NXPE2: variants seen among roughly 807,000 people sequenced by gnomAD.
The protein encoded by NXPE2 is NXPE family member 2.
In NXPE2, 34 loss-of-function variants were observed where a neutral mutation model predicts 34.4. That is an observed-to-expected ratio of 0.99 (90% CI 0.75 to 1.31). The LOEUF (loss-of-function observed/expected upper bound fraction) is 1.31. NXPE2 is among the 40% of genes most tolerant of loss of function. The pLI is 0.00. For synonymous variants in NXPE2, 235 were observed against 231.3 expected (o/e 1.02, Z -0.15); for missense variants, 649 against 672.5 (o/e 0.97, Z 0.39).
chr11:114,674,843 C>G (rs1428859755), upstream of NXPE2, among the ~76,000 whole-genome samples: 1 of 151,634 alleles, frequency 6.6e-6, no homozygotes, highest in Non-Finnish European at 1.5e-5. Context: ...GACAAGGACG[C>G]TAGGAGAAAA....
the NXPE2 span, among the ~76,000 whole-genome samples, chr11:114,660,212 C>T: frequency 6.6e-6 from 1 of 151,878 alleles, no homozygotes; most frequent in Admixed American, 6.6e-5. Context: ...GTTTTATTTG[C>T]AAATTTGACC....
the NXPE2 span, among the ~76,000 whole-genome samples, chr11:114,574,088 T>G: frequency 6.6e-6 from 1 of 152,084 alleles, no homozygotes; most frequent in African/African-American, 2.4e-5. Context: ...ACATGGAAAT[T>G]AAATAACCTG....
the NXPE2 span, among the ~76,000 whole-genome samples, chr11:114,559,244 A>G: frequency 3.3e-5 from 5 of 152,172 alleles, no homozygotes; most frequent in African/African-American, 1.2e-4. Context: ...CCCCTGCACC[A>G]ATCTAGACTC....
chr11:114,530,411 G>A, the NXPE2 span: 1 of 1,614,212 alleles, frequency 6.2e-7, no homozygotes, highest in South Asian at 1.1e-5. Context: ...TTTTATCATA[G>A]CCTTGGTTCC....
At chr11:114,808,804 A>G in the NXPE2 span, among the ~76,000 whole-genome samples, 1 of 152,296 alleles carries the variant, frequency 6.6e-6, no homozygotes, top group South Asian at 2.1e-4. Flanking sequence ...AACTATTCCA[A>G]TCAACAGAAA....
intron 2 of NXPE2, among the ~76,000 whole-genome samples, chr11:114,691,429 G>C (rs1002111097): frequency 6.6e-6 from 1 of 152,080 alleles, no homozygotes; most frequent in African/African-American, 2.4e-5. Flanking sequence ...GGTTTTGTTT[G>C]ATGGTGTAAT....
At chr11:114,540,884 T>G in the NXPE2 span, among the ~76,000 whole-genome samples, 1 of 113,546 alleles carries the variant, frequency 8.8e-6, no homozygotes, top group Non-Finnish European at 1.7e-5. Context: ...TTTTTTTTTT[T>G]TGGCTTGAAC....
intron 2 of NXPE2, among the ~76,000 whole-genome samples, chr11:114,693,326 G>C (rs1450517794): frequency 6.6e-6 from 1 of 152,188 alleles, no homozygotes; most frequent in African/African-American, 2.4e-5. Flanking sequence ...CTGTGGAAAA[G>C]ATGAAGTTCA....
the NXPE2 span, among the ~76,000 whole-genome samples, chr11:114,737,535 C>T: frequency 6.6e-6 from 1 of 152,114 alleles, no homozygotes; most frequent in Admixed American, 6.5e-5. Context: ...TCAGCAAGAA[C>T]GTTCCTTAGG....
the NXPE2 span, among the ~76,000 whole-genome samples, chr11:114,509,208 T>A: frequency 2.0e-5 from 3 of 152,044 alleles, no homozygotes; most frequent in Non-Finnish European, 4.4e-5. Flanking sequence ...TGAGATACCA[T>A]CTCACCCCAG....
At chr11:114,514,187 A>G in the NXPE2 span, among the ~76,000 whole-genome samples, 1 of 152,198 alleles carries the variant, frequency 6.6e-6, no homozygotes, top group Non-Finnish European at 1.5e-5. Flanking sequence ...GAACTCTCTC[A>G]GTCATCCATT....
chr11:114,543,968 A>C, the NXPE2 span, among the ~76,000 whole-genome samples: 1 of 152,198 alleles, frequency 6.6e-6, no homozygotes, highest in African/African-American at 2.4e-5. Context: ...AATTACAAAA[A>C]AGAAAACCAT....
chr11:114,805,986 C>G, the NXPE2 span, among the ~76,000 whole-genome samples: 2 of 152,316 alleles, frequency 1.3e-5, no homozygotes, highest in Admixed American at 1.3e-4. Context: ...GGGTACTCCT[C>G]TGAGACAAAA....
chr11:114,809,957 T>C, the NXPE2 span, among the ~76,000 whole-genome samples: 63 of 151,114 alleles, frequency 4.2e-4, 1 homozygote, highest in Middle Eastern at 3.4e-3. Context: ...ACGGCTACAG[T>C]AACCAAAACA....
the NXPE2 span, among the ~76,000 whole-genome samples, chr11:114,782,715 A>G: frequency 9.3e-4 from 142 of 152,296 alleles, no homozygotes; most frequent in Admixed American, 1.7e-3. Flanking sequence ...ACAGGGTCCT[A>G]AGGAAGATAA....
the NXPE2 span, among the ~76,000 whole-genome samples, chr11:114,657,145 C>T: frequency 6.6e-6 from 1 of 152,140 alleles, no homozygotes; most frequent in African/African-American, 2.4e-5. Context: ...TTGTACTATA[C>T]TCATCCTCAG....
chr11:114,703,693 GATAGATGATAGATAGATA>G (rs1165988401), intron 3 of NXPE2, among the ~76,000 whole-genome samples: 84 of 17,874 alleles, frequency 4.7e-3, no homozygotes, highest in African/African-American at 0.025. Context: ...TAGATAGATA[GATAGATGATAGATAGATA>G]GATAGACAGA....
the NXPE2 span, among the ~76,000 whole-genome samples, chr11:114,562,257 G>C: frequency 1.3e-5 from 2 of 152,102 alleles, no homozygotes; most frequent in African/African-American, 4.8e-5. Flanking sequence ...TTTTCTTCTG[G>C]GAGAGTGGTT....
chr11:114,626,155 G>C, the NXPE2 span, among the ~76,000 whole-genome samples: 2 of 152,148 alleles, frequency 1.3e-5, no homozygotes, highest in African/African-American at 4.8e-5. Context: ...CGGGAAGCTC[G>C]AACTGGGTGG....
Sources: allele counts gnomAD v4.1 joint callset (sites outside exome capture counted in the v4.1 genomes callset), GRCh38; gene constraint gnomAD v4.1.1; transcripts MANE v1.5; gene names NCBI Gene and HGNC (gene_info 2026-07-23, HGNC 2026-07-21).